BRAF: variants seen among roughly 807,000 people sequenced by gnomAD.
BRAF encodes B-Raf proto-oncogene, serine/threonine kinase.
In BRAF, 16 loss-of-function variants were observed where a neutral mutation model predicts 104.6. That is an observed-to-expected ratio of 0.15 (90% CI 0.10 to 0.23). The LOEUF (loss-of-function observed/expected upper bound fraction) is 0.23. Ranked by LOEUF, BRAF falls within the 10% of genes least tolerant of loss-of-function variation. The pLI is 1.00. For missense variants in BRAF, 541 were observed against 937.3 expected (o/e 0.58, Z 5.52); for synonymous variants, 310 against 341.6 (o/e 0.91, Z 1.02).
In BRAF at chr7:140,749,432, C is replaced by T. The variant is rs1562939259; in HGVS notation, c.1981-14G>A. On this transcript the variant is annotated splice_polypyrimidine_tract_variant and intron_variant, in intron 16 of 19. Transcript: ENST00000644969. ...GACTTCTGGTGCCTGTTAGAACATA[C>T]AAAGAAAAATATTCTTCACTTCAAT... 6.2e-7 allele frequency: 1 copy of T among 1,611,756 alleles called. No homozygotes were observed. The highest frequency in any genetic ancestry group is 1.1e-5 in the South Asian group (1 of 91,008).
chr7:140,870,108 TAATC>T (rs1032257069), intron 1 of BRAF, among the ~76,000 whole-genome samples: 1 of 152,056 alleles, frequency 6.6e-6, no homozygotes, highest in African/African-American at 2.4e-5. Context: ...AAAAGAGAAA[TAATC>T]AAAGGCTTTT....
At chr7:140,817,816 A>G (rs1474882613) in intron 3 of BRAF, among the ~76,000 whole-genome samples, 3 of 152,240 alleles carry the variant, frequency 2.0e-5, no homozygotes, top group Non-Finnish European at 2.9e-5. Context: ...ACTGTTTGTC[A>G]TAACAAAAAA....
chr7:140,921,068 C>T (rs922003676), intron 1 of BRAF, among the ~76,000 whole-genome samples: 2 of 152,154 alleles, frequency 1.3e-5, no homozygotes, highest in African/African-American at 4.8e-5. Context: ...CAGTTTAAGA[C>T]TGACGATCAG....
chr7:140,783,007 T>C lies in BRAF; in HGVS notation c.1434+14A>G, dbSNP rs749502450. 37 of 1,612,580 alleles carry C rather than the reference T, an allele frequency of 2.3e-5. No homozygotes were observed. The highest frequency in any genetic ancestry group is 3.3e-5 in the Admixed American group (2 of 59,980). ...GAAAGAATTCAGAGAAAAAAAGATA[T>C]CATATACTCTTACCATTCGATTCCT... is the stretch of plus-strand genomic sequence containing the variant. On this transcript the variant is annotated intron_variant, in intron 11 of 19. Transcript: ENST00000644969.
intron 1 of BRAF, among the ~76,000 whole-genome samples, chr7:140,850,890 A>G (rs1377652676): frequency 6.6e-6 from 1 of 152,180 alleles, no homozygotes; most frequent in African/African-American, 2.4e-5. Flanking sequence ...TTCCTCTTTT[A>G]AAATAATTAT....
chr7:140,747,587 T>C, intron 17 of BRAF: 1 of 307,650 alleles, frequency 3.3e-6, no homozygotes, highest in Non-Finnish European at 6.1e-6. Context: ...TTCATCCAGA[T>C]CTTAGGTTCA....
At chr7:140,885,078 T>G (rs10261287) in intron 1 of BRAF, among the ~76,000 whole-genome samples, 2 of 152,172 alleles carry the variant, frequency 1.3e-5, no homozygotes, top group Non-Finnish European at 2.9e-5. Flanking sequence ...CTCAGCTCAC[T>G]TCAACCTTGG....
rs747686135 is a variant in BRAF, at chr7:140,908,919, T to C, written c.138+15647A>G. Among the ~76,000 whole-genome samples the C allele has an allele frequency of 1.8e-4, 25 of 137,314 alleles. 2 individuals carry two copies. The highest frequency in any genetic ancestry group is 3.3e-4 in the Non-Finnish European group (20 of 59,852). The allele number at this position is 137,314 out of a possible 152,430, so 90.1% of individuals were successfully genotyped here. A position where few individuals can be genotyped will look rare whatever the true frequency, so the allele number is the denominator to read the frequency against. On this transcript the variant is annotated intron_variant, in intron 1 of 19. Transcript: ENST00000644969. The stretch of plus-strand genomic sequence containing the variant: ...TTCATCCACTTATTTATTTGGATTC[T>C]TGTTTATTCCTAGAATTTGGCCTGG...
rs573926363 is a variant in BRAF, at chr7:140,915,515, A to G, written c.138+9051T>C. 9.6e-4 allele frequency among the ~76,000 whole-genome samples: 146 copies of G among 151,520 alleles called. No homozygotes were observed. The South Asian group carries it at 0.014, about 15-fold the overall frequency. ...AATGGCGCAATATCGGCTCACTGCAACCTCCGCCTCCCAGGTTCAAGCAAT... is the reference window on the plus strand; with the variant it reads ...AATGGCGCAATATCGGCTCACTGCAGCCTCCGCCTCCCAGGTTCAAGCAAT... On this transcript the variant is annotated intron_variant, in intron 1 of 19. Coordinates refer to ENST00000644969, the MANE Select transcript of BRAF (RefSeq NM_001374258.1).
intron 2 of BRAF, among the ~76,000 whole-genome samples, chr7:140,840,298 T>C (rs1200780029): frequency 6.6e-6 from 1 of 151,978 alleles, no homozygotes; most frequent in South Asian, 2.1e-4. Context: ...CTCTCATGTA[T>C]GATACACCAA....
rs553726719 is a variant in BRAF, at chr7:140,924,445, G to A, written c.138+121C>T. On this transcript the variant is annotated intron_variant, in intron 1 of 19. Coordinates refer to ENST00000644969, the MANE Select transcript of BRAF (RefSeq NM_001374258.1). This position sits in a 1 kb window ranked among gnomAD's most constrained non-coding sequence, Gnocchi z 4.2. ...GGCGATGCCCACCTCCCAGCCCGCGGAGCTGGCCCGAGAAGGTGGCTGAGG... is the reference window on the plus strand; with the variant it reads ...GGCGATGCCCACCTCCCAGCCCGCGAAGCTGGCCCGAGAAGGTGGCTGAGG... The A allele has an allele frequency of 2.6e-5, 37 of 1,421,860 alleles. No individual in the cohort carries two copies. The African/African-American group carries it at 3.7e-4, about 14-fold the overall frequency. The allele number at this position is 1,421,860 out of a possible 1,614,324, so 88.1% of individuals were successfully genotyped here.
chr7:140,918,472 G>A (rs1817855820), intron 1 of BRAF, among the ~76,000 whole-genome samples: 1 of 152,178 alleles, frequency 6.6e-6, no homozygotes, highest in Non-Finnish European at 1.5e-5. Context: ...CTGCGGTGTA[G>A]TCAGGTTCCT....
At chr7:140,751,429 C>T (rs945606042) in intron 16 of BRAF, among the ~76,000 whole-genome samples, 2 of 152,004 alleles carry the variant, frequency 1.3e-5, no homozygotes, top group Non-Finnish European at 2.9e-5. Flanking sequence ...GTGTGTATGC[C>T]TTAATAAAGG....
At chr7:140,735,587 G>T (rs756420183) in intron 18 of BRAF, among the ~76,000 whole-genome samples, 1 of 148,598 alleles carries the variant, frequency 6.7e-6, no homozygotes, top group African/African-American at 2.5e-5. Flanking sequence ...ACGGAGTCTC[G>T]CTGTTGTCAA....
At position 140,807,873 on chromosome 7, in the gene BRAF, T is replaced by A. The variant is rs556332641; in HGVS notation, c.711+87A>T. The A allele has an allele frequency of 5.7e-4, 587 of 1,035,554 alleles. 3 individuals carry two copies. The South Asian group carries it at 8.0e-3, about 14-fold the overall frequency. 64.1% of individuals were successfully genotyped at this position (1,035,554 alleles called of 1,614,324 possible). A position where few individuals can be genotyped will look rare whatever the true frequency, so the allele number is the denominator to read the frequency against. Reference sequence around the variant, plus strand: ...AAAATGTCAGTTCCAAAATTACTCATCCATATTTCACATTCCCTAAATAAA... The same window carrying A: ...AAAATGTCAGTTCCAAAATTACTCAACCATATTTCACATTCCCTAAATAAA... On this transcript the variant is annotated intron_variant, in intron 5 of 19. Coordinates refer to ENST00000644969, the MANE Select transcript of BRAF (RefSeq NM_001374258.1).
At chr7:140,849,200 CTGTGGAG>C (rs1808889287) in intron 2 of BRAF, among the ~76,000 whole-genome samples, 1 of 152,244 alleles carries the variant, frequency 6.6e-6, no homozygotes, top group East Asian at 1.9e-4. Flanking sequence ...ACCTTGTTGG[CTGTGGAG>C]TCTGACTGAC....
intron 1 of BRAF, among the ~76,000 whole-genome samples, chr7:140,884,994 G>A (rs576133810): frequency 4.0e-4 from 57 of 143,674 alleles, no homozygotes; most frequent in African/African-American, 7.1e-4. Context: ...TTATTTATTT[G>A]TTTGTTTATT....
chr7:140,890,531 GTTC>G (rs1323296461), intron 1 of BRAF, among the ~76,000 whole-genome samples: 2 of 152,078 alleles, frequency 1.3e-5, no homozygotes, highest in East Asian at 3.9e-4. Context: ...TCCTTTCACT[GTTC>G]TTCAATGATT....
intron 9 of BRAF, 25 bp downstream of exon 9, chr7:140,787,523 A>T (rs1483810545): frequency 6.9e-6 from 11 of 1,605,464 alleles, no homozygotes; most frequent in Admixed American, 3.3e-5. Flanking sequence ...TTGAGTTTTT[A>T]AAAAAACCTG....
Sources: allele counts gnomAD v4.1 joint callset (sites outside exome capture counted in the v4.1 genomes callset), GRCh38; gene constraint gnomAD v4.1.1; non-coding constraint Gnocchi (gnomAD v3.1); transcripts MANE v1.5; gene names NCBI Gene and HGNC (gene_info 2026-07-23, HGNC 2026-07-21).